ATXN10: variants seen among roughly 807,000 people sequenced by gnomAD.
ATXN10 encodes ataxin-10.
Under a neutral mutation model 52.9 loss-of-function variants are expected in ATXN10, and 28 were observed. The ratio of observed to expected loss-of-function variants is 0.53; its 90% CI spans 0.39 to 0.73. ATXN10 has a LOEUF of 0.73. ATXN10 is among the 30% of genes least tolerant of loss of function. The probability of loss-of-function intolerance (pLI) is 0.00; values close to 1 mark genes in which losing one functional copy is unlikely to be tolerated. For missense variants in ATXN10, 565 were observed against 577.0 expected (o/e 0.98, Z 0.21); for synonymous variants, 226 against 221.5 (o/e 1.02, Z -0.18).
In ATXN10 at chr22:45,770,410, G is replaced by T. The variant is rs1926735659; in HGVS notation, c.1173+29872G>T. ...TGTGAAAAAGAGGGGGGTATGTGATGAATATACACACTAATGGGACACACA... is the reference window on the plus strand; with the variant it reads ...TGTGAAAAAGAGGGGGGTATGTGATTAATATACACACTAATGGGACACACA... On this transcript the variant is annotated intron_variant, in intron 9 of 11. Transcript: ENST00000252934. This position sits in a 1 kb window ranked among gnomAD's most constrained non-coding sequence, Gnocchi z 4.5. Among the ~76,000 whole-genome samples, 3 of 152,214 alleles carry T rather than the reference G, an allele frequency of 2.0e-5. No individual in the cohort carries two copies. In the South Asian group the frequency reaches 6.2e-4, roughly 32 times the overall value.
chr22:45,742,363 T>C (rs1192503884), intron 9 of ATXN10, among the ~76,000 whole-genome samples: 1 of 152,140 alleles, frequency 6.6e-6, no homozygotes, highest in African/African-American at 2.4e-5. Flanking sequence ...ACACAGATAC[T>C]GGGCTTAGCA....
In ATXN10 at chr22:45,766,639, G is replaced by A. The variant is rs1926592065; in HGVS notation, c.1173+26101G>A. Among the ~76,000 whole-genome samples the A allele has an allele frequency of 6.6e-6, 1 of 152,152 alleles. No individual in the cohort carries two copies. The highest frequency in any genetic ancestry group is 6.5e-5 in the Admixed American group (1 of 15,284). ...GAATGAGTTCCGTTATATAACCTCC[G>A]AGTCTGGAAGCAATAAGAGAAAAGG... On this transcript the variant is annotated intron_variant, in intron 9 of 11. Transcript: ENST00000252934. The surrounding 1 kb of genome is among the most constrained non-coding windows in gnomAD (Gnocchi z 4.6).
intron 10 of ATXN10, among the ~76,000 whole-genome samples, chr22:45,812,040 T>G (rs1018318093): frequency 2.0e-5 from 3 of 152,152 alleles, no homozygotes; most frequent in Admixed American, 1.3e-4. Flanking sequence ...CGTTTTTGTT[T>G]CCGAGAAGGA....
At position 45,671,978 on chromosome 22, in the gene ATXN10, C is replaced by G; in HGVS notation, c.-86C>G. Reference sequence around the variant, plus strand: ...GGCCTCCCCCTTCCTCCTCGCCATCCTACTCCTCCCTCCTCGTCATCCTCC... The same window carrying G: ...GGCCTCCCCCTTCCTCCTCGCCATCGTACTCCTCCCTCCTCGTCATCCTCC... On this transcript the variant is annotated 5_prime_UTR_variant, in exon 1 of 12. Transcript: ENST00000252934. 1 of 1,447,228 alleles carries G rather than the reference C, an allele frequency of 6.9e-7. No homozygotes were observed. The highest frequency in any genetic ancestry group is 9.3e-7 in the Non-Finnish European group (1 of 1,073,546). The allele number at this position is 1,447,228 out of a possible 1,614,324, so 89.6% of individuals were successfully genotyped here.
At chr22:45,797,260 A>ATG (rs1927774849) in intron 9 of ATXN10, among the ~76,000 whole-genome samples, 1 of 152,376 alleles carries the variant, frequency 6.6e-6, no homozygotes, top group Admixed American at 6.5e-5. Flanking sequence ...CAATAACAGC[A>ATG]TGTATGTTCT....
At chr22:45,748,128 G>A (rs552290554) in intron 9 of ATXN10, among the ~76,000 whole-genome samples, 9 of 151,850 alleles carry the variant, frequency 5.9e-5, no homozygotes, top group East Asian at 1.9e-4. Context: ...ACAGGGAGCC[G>A]TGATCGTGCC....
At chr22:45,723,669 C>A (rs1924751518) in intron 6 of ATXN10, among the ~76,000 whole-genome samples, 1 of 152,036 alleles carries the variant, frequency 6.6e-6, no homozygotes, top group Non-Finnish European at 1.5e-5. Flanking sequence ...AGAATAATGG[C>A]CTCCAACTGG....
chr22:45,740,663 A>G, intron 9 of ATXN10, 125 bp downstream of exon 9: 4 of 690,442 alleles, frequency 5.8e-6, no homozygotes, highest in Middle Eastern at 3.5e-4. Flanking sequence ...ATAGAGAGAT[A>G]TATATTTTAT....
chr22:45,729,773 C>T, intron 7 of ATXN10, 183 bp downstream of exon 7: 1 of 732,852 alleles, frequency 1.4e-6, no homozygotes, highest in South Asian at 1.5e-5. Context: ...TTCCTACCAT[C>T]CAGAGTCAAT....
At chr22:45,729,256 A>C (rs1392652874) in intron 6 of ATXN10, among the ~76,000 whole-genome samples, 169 bp from the exon 7 acceptor site, 2 of 152,244 alleles carry the variant, frequency 1.3e-5, no homozygotes, top group South Asian at 4.1e-4. Context: ...TTTAAAAAAT[A>C]GGTGATTGAT....
chr22:45,693,991 C>T (rs554957683), intron 3 of ATXN10, among the ~76,000 whole-genome samples: 1 of 152,184 alleles, frequency 6.6e-6, no homozygotes, highest in African/African-American at 2.4e-5. Context: ...GGCCCTGGTC[C>T]AGGTTTTGGG....
chr22:45,720,641 A>G (rs921249523), intron 6 of ATXN10, among the ~76,000 whole-genome samples: 1 of 152,194 alleles, frequency 6.6e-6, no homozygotes, highest in Non-Finnish European at 1.5e-5. Flanking sequence ...ATGAGGTACC[A>G]CTTGATACCC....
intron 3 of ATXN10, among the ~76,000 whole-genome samples, chr22:45,697,561 T>C (rs1425268458): frequency 1.3e-5 from 2 of 152,208 alleles, no homozygotes; most frequent in Non-Finnish European, 2.9e-5. Flanking sequence ...ATACTTCATA[T>C]AAATGGAATC....
intron 8 of ATXN10, among the ~76,000 whole-genome samples, chr22:45,739,412 A>T (rs531005819): frequency 1.1e-4 from 17 of 152,216 alleles, no homozygotes; most frequent in Admixed American, 3.3e-4. Flanking sequence ...ATTATTTGCA[A>T]TTTTTTCCTT....
chr22:45,700,914 A>C (rs994305646), intron 4 of ATXN10, among the ~76,000 whole-genome samples: 1 of 152,170 alleles, frequency 6.6e-6, no homozygotes, highest in South Asian at 2.1e-4. Flanking sequence ...TATCAGTGTA[A>C]GATGTGGGTA....
chr22:45,756,948 T>G (rs1484708033), intron 9 of ATXN10, among the ~76,000 whole-genome samples: 1 of 152,200 alleles, frequency 6.6e-6, no homozygotes, highest in East Asian at 1.9e-4. Context: ...TTGGAGTTGA[T>G]TTCTCATCGT....
intron 1 of ATXN10, among the ~76,000 whole-genome samples, chr22:45,687,581 G>A (rs1490231525): frequency 6.6e-6 from 1 of 152,208 alleles, no homozygotes; most frequent in African/African-American, 2.4e-5. Flanking sequence ...CTTGACTATA[G>A]CATTAAATAA....
chr22:45,748,183 A>G (rs1332990523), intron 9 of ATXN10, among the ~76,000 whole-genome samples: 1 of 152,110 alleles, frequency 6.6e-6, no homozygotes, highest in Non-Finnish European at 1.5e-5. Context: ...TGTCTTTAAA[A>G]AAAAAAAAAA....
intron 9 of ATXN10, among the ~76,000 whole-genome samples, chr22:45,755,348 C>A (rs1356218164): frequency 1.3e-5 from 2 of 152,204 alleles, no homozygotes; most frequent in Admixed American, 1.3e-4. Context: ...TTTAAGCCCT[C>A]ATCCTTCTTT....
Sources: allele counts gnomAD v4.1 joint callset (sites outside exome capture counted in the v4.1 genomes callset), GRCh38; gene constraint gnomAD v4.1.1; non-coding constraint Gnocchi (gnomAD v3.1); transcripts MANE v1.5; gene names NCBI Gene and HGNC (gene_info 2026-07-23, HGNC 2026-07-21).